DPP10: variants seen among roughly 807,000 people sequenced by gnomAD.
The protein encoded by DPP10 is dipeptidyl peptidase like 10, also known as inactive dipeptidyl peptidase 10.
In DPP10, 33 loss-of-function variants were observed where a neutral mutation model predicts 120.9. That is an observed-to-expected ratio of 0.27 (90% CI 0.21 to 0.37). The LOEUF (loss-of-function observed/expected upper bound fraction) is 0.37. Ranked by LOEUF, DPP10 falls within the 10% of genes least tolerant of loss-of-function variation. DPP10 has a pLI of 1.00. For missense variants in DPP10, 816 were observed against 942.8 expected (o/e 0.87, Z 1.76); for synonymous variants, 337 against 326.1 (o/e 1.03, Z -0.36).
At chr2:114,794,751 C>T (rs1222492110) in intron 1 of DPP10, among the ~76,000 whole-genome samples, 1 of 152,190 alleles carries the variant, frequency 6.6e-6, no homozygotes, top group Non-Finnish European at 1.5e-5. Flanking sequence ...TAGAGTTGCT[C>T]CTACAGAACA....
intron 4 of DPP10, among the ~76,000 whole-genome samples, chr2:115,512,896 T>G (rs13432069): frequency 0.21 from 31,263 of 152,056 alleles, 4,427 homozygotes; most frequent in African/African-American, 0.39. Flanking sequence ...TAAGATCTTT[T>G]TGCTTTAGAA....
At chr2:115,356,415 G>C (rs1175961946) in intron 3 of DPP10, among the ~76,000 whole-genome samples, 2 of 152,084 alleles carry the variant, frequency 1.3e-5, no homozygotes, top group Non-Finnish European at 2.9e-5. Flanking sequence ...TGCATCCTCA[G>C]ACTTTGCTGA....
At chr2:114,778,329 C>T (rs570959622) in intron 1 of DPP10, among the ~76,000 whole-genome samples, 3 of 152,196 alleles carry the variant, frequency 2.0e-5, no homozygotes, top group Admixed American at 6.5e-5. Flanking sequence ...GGCTCATAGC[C>T]GAGACCTGCA....
intron 1 of DPP10, among the ~76,000 whole-genome samples, chr2:114,957,763 C>T: frequency 6.6e-6 from 1 of 152,114 alleles, no homozygotes; most frequent in East Asian, 1.9e-4. Context: ...ATGTAGTGTA[C>T]ATATATCCTT....
At chr2:115,703,439 A>G (rs888420181) in intron 7 of DPP10, among the ~76,000 whole-genome samples, 1 of 152,018 alleles carries the variant, frequency 6.6e-6, no homozygotes, top group African/African-American at 2.4e-5. Flanking sequence ...GAATTAACTC[A>G]TGCAACTGTG....
At chr2:115,229,029 G>T (rs1271580681) in intron 1 of DPP10, among the ~76,000 whole-genome samples, 2 of 151,914 alleles carry the variant, frequency 1.3e-5, no homozygotes, top group Non-Finnish European at 2.9e-5. Context: ...AAATATCCTT[G>T]CCAGCACTTA....
intron 3 of DPP10, among the ~76,000 whole-genome samples, chr2:115,394,182 AT>A (rs1408227723): frequency 6.6e-6 from 1 of 152,156 alleles, no homozygotes; most frequent in Non-Finnish European, 1.5e-5. Flanking sequence ...TCAGATTTTC[AT>A]TTTTTTAAAC....
intron 1 of DPP10, among the ~76,000 whole-genome samples, chr2:114,523,047 G>A (rs2420165): frequency 2.6e-5 from 4 of 152,242 alleles, no homozygotes; most frequent in Admixed American, 6.5e-5. Context: ...AGGTTCTCTC[G>A]AAACAGATCC....
At chr2:114,589,046 G>GGGT (rs1553466515) in intron 1 of DPP10, among the ~76,000 whole-genome samples, 2 of 149,690 alleles carry the variant, frequency 1.3e-5, no homozygotes, top group Non-Finnish European at 3.0e-5. Flanking sequence ...TTGGGGGGGG[G>GGGT]GGTAGGGGAC....
intron 4 of DPP10, among the ~76,000 whole-genome samples, chr2:115,514,883 C>A (rs1432685080): frequency 6.6e-6 from 1 of 151,756 alleles, no homozygotes. Context: ...TGTCAAAAAT[C>A]TTCTACAGAA....
intron 1 of DPP10, among the ~76,000 whole-genome samples, chr2:114,513,029 G>C (rs1416255827): frequency 6.6e-6 from 1 of 152,136 alleles, no homozygotes; most frequent in Non-Finnish European, 1.5e-5. Context: ...GGAAGGGGGA[G>C]GGAAGGGAGG....
intron 3 of DPP10, among the ~76,000 whole-genome samples, chr2:115,408,704 T>C (rs2068714274): frequency 6.6e-6 from 1 of 152,028 alleles, no homozygotes; most frequent in South Asian, 2.1e-4. Context: ...AAATTAATCA[T>C]AAAGTTATAA....
intron 19 of DPP10, among the ~76,000 whole-genome samples, chr2:115,794,131 G>A (rs1275820983): frequency 6.6e-6 from 1 of 152,030 alleles, no homozygotes; most frequent in Non-Finnish European, 1.5e-5. Flanking sequence ...ACAATAGAGC[G>A]ACTATTATTT....
At chr2:115,160,660 G>C (rs1257425433) in intron 1 of DPP10, among the ~76,000 whole-genome samples, 1 of 152,186 alleles carries the variant, frequency 6.6e-6, no homozygotes, top group Admixed American at 6.5e-5. Flanking sequence ...CCTGAGACTT[G>C]GAGGCTGTTT....
intron 1 of DPP10, among the ~76,000 whole-genome samples, chr2:114,588,871 T>C (rs1050219913): frequency 6.6e-6 from 1 of 152,132 alleles, no homozygotes; most frequent in African/African-American, 2.4e-5. Flanking sequence ...TGTATGTTAC[T>C]GATTGGCACT....
intron 1 of DPP10, among the ~76,000 whole-genome samples, chr2:114,955,065 A>G (rs899191943): frequency 7.2e-5 from 11 of 152,220 alleles, no homozygotes; most frequent in African/African-American, 2.7e-4. Context: ...ACCTTGCATA[A>G]GAAAGAATTA....
intron 3 of DPP10, among the ~76,000 whole-genome samples, chr2:115,403,695 T>C (rs767638733): frequency 6.6e-6 from 1 of 152,150 alleles, no homozygotes; most frequent in Non-Finnish European, 1.5e-5. Flanking sequence ...TGAGCCACCG[T>C]GCCTGGCCAC....
At chr2:114,693,151 G>T (rs1192827585) in intron 1 of DPP10, among the ~76,000 whole-genome samples, 1 of 151,732 alleles carries the variant, frequency 6.6e-6, no homozygotes, top group African/African-American at 2.4e-5. Context: ...GCAGAATTGT[G>T]TATGTGGTTG....
At chr2:115,580,843 T>C (rs2081966297) in intron 5 of DPP10, among the ~76,000 whole-genome samples, 1 of 152,204 alleles carries the variant, frequency 6.6e-6, no homozygotes. Context: ...AACATTAGTT[T>C]CAAGAGGCCA....
Sources: allele counts gnomAD v4.1 joint callset (sites outside exome capture counted in the v4.1 genomes callset), GRCh38; gene constraint gnomAD v4.1.1; transcripts MANE v1.5; gene names NCBI Gene and HGNC (gene_info 2026-07-23, HGNC 2026-07-21).